Variants in RAB5C observed in about 807,000 individuals in gnomAD.
RAB5C encodes the protein ras-related protein Rab-5C.
In RAB5C, 4 loss-of-function variants were observed where a neutral mutation model predicts 25.2. The ratio of observed to expected loss-of-function variants is 0.16; its 90% CI spans 0.08 to 0.36. The LOEUF (loss-of-function observed/expected upper bound fraction) is 0.36, where lower values mean the gene tolerates loss of function less well. Ranked by LOEUF, RAB5C falls within the 10% of genes least tolerant of loss-of-function variation. The probability of loss-of-function intolerance (pLI) is 1.00; values close to 1 mark genes in which losing one functional copy is unlikely to be tolerated. For missense variants in RAB5C, 199 were observed against 283.8 expected, an observed-to-expected ratio of 0.70 and a Z score of 2.15; for synonymous variants, 100 against 106.4, an observed-to-expected ratio of 0.94 and a Z score of 0.37.
rs571577319 is a variant in RAB5C at position 42,126,027 on chromosome 17, G to A, written c.536-129C>T. The A allele has an allele frequency of 1.8e-5, 12 of 666,338 alleles. No individual in the cohort carries two copies. In the African/African-American group the frequency reaches 2.0e-4, roughly 11 times the overall value. The allele number at this position is 666,338 out of a possible 1,614,324, so 41.3% of individuals were successfully genotyped here. ...CATATTGAGGGCTTCTGTGTGTCAG[G>A]TGCATTCTGATTGTTTTCAGGAAAC... On this transcript the variant is annotated intron_variant, in intron 5 of 5. Transcript: ENST00000346213.
chr17:42,126,063 T>A lies in RAB5C; in HGVS notation c.536-165A>T, dbSNP rs2240010. Among the ~76,000 whole-genome samples, 54,195 of 152,008 alleles carry A rather than the reference T, an allele frequency of 0.36. 13,062 individuals carry two copies. Among genetic ancestry groups the A allele is most frequent in the African/African-American group, 0.69 (28,601 of 41,420 alleles). On this transcript the variant is annotated intron_variant, in intron 5 of 5. Transcript: ENST00000346213. ...TTGTTTTCAGGAAACTGCGGCAAAG[T>A]AAGGTTAAATAACTTGCCCAAGACT...
chr17:42,148,575 A>G (rs1401226791), intron 1 of RAB5C, among the ~76,000 whole-genome samples: 1 of 152,194 alleles, frequency 6.6e-6, no homozygotes, highest in Non-Finnish European at 1.5e-5. Flanking sequence ...CTGTGCCCCT[A>G]AAGGGCTCAC....
At chr17:42,147,144 AAGAGAGAG>A (rs572493429) in intron 1 of RAB5C, among the ~76,000 whole-genome samples, 5,453 of 99,642 alleles carry the variant, frequency 0.055, 140 homozygotes, top group Middle Eastern at 0.099. Flanking sequence ...GAAAGAAAGA[AAGAGAGAG>A]AGAGAGAGAG....
In RAB5C at chr17:42,125,756, C is replaced by A; in HGVS notation, c.*27G>T. On this transcript the variant is annotated 3_prime_UTR_variant, in exon 6 of 6. Coordinates refer to ENST00000346213, the MANE Select transcript of RAB5C (RefSeq NM_004583.4). ...AGTCGGGTCATTCAGGCGGAGGAGG[C>A]GGGGGCAGCGGGCAGGCAAGGGGGG... The A allele has an allele frequency of 1.3e-6, 2 of 1,514,084 alleles. No homozygotes were observed. Among genetic ancestry groups the A allele is most frequent in the Non-Finnish European group, 1.8e-6 (2 of 1,111,972 alleles). The allele number at this position is 1,514,084 out of a possible 1,614,324, so 93.8% of individuals were successfully genotyped here. A position where few individuals can be genotyped will look rare whatever the true frequency, so the allele number is the denominator to read the frequency against.
At chr17:42,144,854 G>C (rs1310188716) in intron 1 of RAB5C, among the ~76,000 whole-genome samples, 1 of 148,432 alleles carries the variant, frequency 6.7e-6, no homozygotes, top group Admixed American at 6.8e-5. Context: ...GTGAACCTGG[G>C]AGGCGGAGCT....
chr17:42,131,066 G>T (rs2054480589), intron 1 of RAB5C, among the ~76,000 whole-genome samples: 1 of 152,118 alleles, frequency 6.6e-6, no homozygotes, highest in African/African-American at 2.4e-5. Flanking sequence ...AGGCAGACAG[G>T]GGCCCAAGAG....
intron 1 of RAB5C, among the ~76,000 whole-genome samples, chr17:42,154,248 C>T (rs1310794676): frequency 2.0e-5 from 3 of 152,170 alleles, no homozygotes; most frequent in Non-Finnish European, 4.4e-5. Flanking sequence ...AAGAGAGAGA[C>T]ACTCAAAGAA....
intron 1 of RAB5C, among the ~76,000 whole-genome samples, chr17:42,138,739 AG>A (rs2054562504): frequency 6.6e-6 from 1 of 152,222 alleles, no homozygotes; most frequent in Admixed American, 6.5e-5. Flanking sequence ...TACCTGCAAA[AG>A]GGGCCAGTGT....
At chr17:42,126,650 A>AAAG in intron 5 of RAB5C, 105 bp downstream of exon 5, 1 of 463,774 alleles carries the variant, frequency 2.2e-6, no homozygotes, top group Admixed American at 3.8e-5. Context: ...AAAAAAAAAA[A>AAAG]AAAAAAAAGA....
At position 42,152,720 on chromosome 17, in the gene RAB5C, A is replaced by G. The variant is rs889570165; in HGVS notation, c.-89+2173T>C. 3.9e-5 allele frequency among the ~76,000 whole-genome samples: 6 copies of G among 151,960 alleles called. No homozygotes were observed. The South Asian group carries it at 6.2e-4, about 16-fold the overall frequency. On this transcript the variant is annotated intron_variant, in intron 1 of 5. Transcript: ENST00000346213. Reference sequence around the variant, plus strand: ...CTTGATCTCGGGAGGCAGAGGCTGCAGTGAGCCAAGATTGTGCCACTGCAC... The same window carrying G: ...CTTGATCTCGGGAGGCAGAGGCTGCGGTGAGCCAAGATTGTGCCACTGCAC...
At chr17:42,128,164 T>C (rs1945449571) in intron 4 of RAB5C, 97 bp downstream of exon 4, 1 of 1,495,508 alleles carries the variant, frequency 6.7e-7, no homozygotes, top group Non-Finnish European at 8.9e-7. Context: ...CCCTGTTGCC[T>C]CCTAGCATGG....
chr17:42,132,569 T>A (rs1410034139), intron 1 of RAB5C, among the ~76,000 whole-genome samples: 1 of 152,144 alleles, frequency 6.6e-6, no homozygotes, highest in Non-Finnish European at 1.5e-5. Context: ...AAACAAGGTC[T>A]CACTGTGTTG....
Position 42,130,573 on chromosome 17 carries a change from G to T in RAB5C, c.-71C>A, listed in dbSNP as rs767789812. 19 of 1,588,784 alleles carry T rather than the reference G, an allele frequency of 1.2e-5. No individual in the cohort carries two copies. Among genetic ancestry groups the T allele is most frequent in the Non-Finnish European group, 1.5e-5 (18 of 1,166,076 alleles). On this transcript the variant is annotated 5_prime_UTR_variant, in exon 2 of 6. Transcript: ENST00000346213. ...GGTGCTATGCAAAGAGGCACTTAGT[G>T]GGGAGGGGGACCTCCAACTGTAAGG... is the stretch of plus-strand genomic sequence containing the variant.
intron 2 of RAB5C, chr17:42,130,103 A>G (rs2054469131): frequency 5.4e-6 from 3 of 552,122 alleles, no homozygotes; most frequent in Non-Finnish European, 6.2e-6. Context: ...GGGCAGAAAC[A>G]GGATGGGAAG....
intron 2 of RAB5C, among the ~76,000 whole-genome samples, chr17:42,129,873 A>T (rs2054467206): frequency 6.6e-6 from 1 of 152,232 alleles, no homozygotes; most frequent in Non-Finnish European, 1.5e-5. Flanking sequence ...AATCAACAAC[A>T]GGCTGTGAGC....
At position 42,130,425 on chromosome 17, in the gene RAB5C, C is replaced by T; in HGVS notation, c.78G>A (p.Leu26=). The change falls in exon 2 of 6, where the codon CTG becomes CTA. Residue 26 remains leucine, a synonymous_variant. Coordinates refer to ENST00000346213, the MANE Select transcript of RAB5C (RefSeq NM_004583.4). ...ATTTGCCTACCGCAGACTCCCCCAG[C>T]AGAACCAGCTTAAATTGACAGATCT... is the stretch of plus-strand genomic sequence containing the variant. ...GNKICQFKLV[L]LGESAVGKSS... The T allele has an allele frequency of 6.2e-7, 1 of 1,614,198 alleles. No individual in the cohort carries two copies. The highest frequency in any genetic ancestry group is 2.2e-5 in the East Asian group (1 of 44,874).
At chr17:42,143,115 G>A (rs988979353) in intron 1 of RAB5C, among the ~76,000 whole-genome samples, 5 of 152,140 alleles carry the variant, frequency 3.3e-5, no homozygotes, top group African/African-American at 9.7e-5. Flanking sequence ...CCAGCTACTG[G>A]GATTAACTCC....
Position 42,125,624 on chromosome 17 carries a change from A to C in RAB5C, c.*159T>G. 1.7e-6 allele frequency: 1 copy of C among 594,820 alleles called. No homozygotes were observed. The highest frequency in any genetic ancestry group is 3.0e-6 in the Non-Finnish European group (1 of 333,882). 36.8% of individuals were successfully genotyped at this position (594,820 alleles called of 1,614,324 possible). A position where few individuals can be genotyped will look rare whatever the true frequency, so the allele number is the denominator to read the frequency against. On this transcript the variant is annotated 3_prime_UTR_variant, in exon 6 of 6. Transcript: ENST00000346213. The stretch of plus-strand genomic sequence containing the variant: ...CAGAAAGGTGCAGGTGGAATGACTC[A>C]CTCCGGCCTATGATCAAAATTATAT...
chr17:42,125,729 C>A lies in RAB5C; in HGVS notation c.*54G>T. Reference sequence around the variant, plus strand: ...TAAGTGCGATTGGTTAGAGTGGATTCCAGTCGGGTCATTCAGGCGGAGGAG... The same window carrying A: ...TAAGTGCGATTGGTTAGAGTGGATTACAGTCGGGTCATTCAGGCGGAGGAG... On this transcript the variant is annotated 3_prime_UTR_variant, in exon 6 of 6. Coordinates refer to ENST00000346213, the MANE Select transcript of RAB5C (RefSeq NM_004583.4). 2.3e-6 allele frequency: 3 copies of A among 1,306,288 alleles called. No individual in the cohort carries two copies. Among genetic ancestry groups the A allele is most frequent in the Non-Finnish European group, 2.1e-6 (2 of 935,628 alleles). 80.9% of individuals were successfully genotyped at this position (1,306,288 alleles called of 1,614,324 possible).
Sources: allele counts gnomAD v4.1 joint callset (sites outside exome capture counted in the v4.1 genomes callset), GRCh38; gene constraint gnomAD v4.1.1; transcripts MANE v1.5; gene names NCBI Gene and HGNC (gene_info 2026-07-23, HGNC 2026-07-21).